Variants in KCNQ1 observed in about 807,000 individuals in gnomAD.
KCNQ1 encodes potassium voltage-gated channel subfamily Q member 1.
In KCNQ1, 49 loss-of-function variants were observed where a neutral mutation model predicts 72.4. The ratio of observed to expected loss-of-function variants is 0.68; its 90% CI spans 0.54 to 0.86. The LOEUF (loss-of-function observed/expected upper bound fraction) is 0.86. KCNQ1 is among the 40% of genes least tolerant of loss of function. The pLI, the probability that KCNQ1 is intolerant of heterozygous loss-of-function variation, is 0.00. For missense variants in KCNQ1, 790 were observed against 945.1 expected, an observed-to-expected ratio of 0.84 and a Z score of 2.15; for synonymous variants, 450 against 412.6, an observed-to-expected ratio of 1.09 and a Z score of -1.10.
In KCNQ1 at chr11:2,725,967, A is replaced by G. The variant is rs909661064; in HGVS notation, c.1515-42877A>G. On this transcript the variant is annotated intron_variant, in intron 11 of 15. Coordinates refer to ENST00000155840, the MANE Select transcript of KCNQ1 (RefSeq NM_000218.3). This position sits in a 1 kb window ranked among gnomAD's most constrained non-coding sequence, Gnocchi z 7.2. ...TCGGGCTTCCCCACTAATTTGTGAT[A>G]AGGCCTCGCCAAGAAAAACAGCAGG... 3.9e-5 allele frequency among the ~76,000 whole-genome samples: 6 copies of G among 152,218 alleles called. No individual in the cohort carries two copies. The highest frequency in any genetic ancestry group is 1.4e-4 in the African/African-American group (6 of 41,474).
rs74048614 is a variant in KCNQ1 at position 2,450,815 on chromosome 11, C to T, written c.386+5331C>T. ...GCCGCGTGACCCTAGTCCAGGGGGC[C>T]GCTTTTACACGAGGCATCTGACCAT... On this transcript the variant is annotated intron_variant, in intron 1 of 15. Coordinates refer to ENST00000155840, the MANE Select transcript of KCNQ1 (RefSeq NM_000218.3). The surrounding 1 kb of genome is among the most constrained non-coding windows in gnomAD (Gnocchi z 7.9). Among the ~76,000 whole-genome samples the T allele has an allele frequency of 0.044, 6,734 of 152,180 alleles. 433 individuals are homozygous for T. Among genetic ancestry groups the T allele is most frequent in the African/African-American group, 0.14 (5,967 of 41,482 alleles).
intron 10 of KCNQ1, among the ~76,000 whole-genome samples, chr11:2,605,601 T>C (rs568761039): frequency 6.6e-6 from 1 of 152,354 alleles, no homozygotes; most frequent in African/African-American, 2.4e-5. Flanking sequence ...ACCATAGATA[T>C]ATGGCTCCGT....
Position 2,720,647 on chromosome 11 carries a change from C to G in KCNQ1, c.1515-48197C>G, listed in dbSNP as rs1409505391. On this transcript the variant is annotated intron_variant, in intron 11 of 15. Coordinates refer to ENST00000155840, the MANE Select transcript of KCNQ1 (RefSeq NM_000218.3). The surrounding 1 kb of genome is among the most constrained non-coding windows in gnomAD (Gnocchi z 5.1). ...TGGGTGTCAAGGCTGAAGAGGGGAG[C>G]CTCCTTGGCCACTGAAACGGAAACA... Among the ~76,000 whole-genome samples the G allele has an allele frequency of 2.0e-5, 3 of 152,136 alleles. No individual in the cohort carries two copies. In the East Asian group the frequency reaches 5.8e-4, roughly 29 times the overall value.
intron 15 of KCNQ1, among the ~76,000 whole-genome samples, chr11:2,795,871 G>C (rs530159774): frequency 1.2e-3 from 187 of 152,244 alleles, no homozygotes; most frequent in African/African-American, 4.3e-3. Flanking sequence ...CCCATGGGGC[G>C]GGGGCCGGGG....
intron 10 of KCNQ1, chr11:2,635,534 G>GGA (rs1849449586): frequency 6.6e-6 from 1 of 152,112 alleles, no homozygotes; most frequent in Non-Finnish European, 1.5e-5. Flanking sequence ...CTGTTCCATT[G>GGA]GTCTATATCT....
At chr11:2,633,537 AT>A (rs891001659) in intron 10 of KCNQ1, 2 of 398,406 alleles carry the variant, frequency 5.0e-6, no homozygotes. Context: ...TTTTGAGTTG[AT>A]TTTTTTATAT....
intron 15 of KCNQ1, among the ~76,000 whole-genome samples, chr11:2,814,322 G>C (rs971386493): frequency 6.6e-6 from 1 of 151,756 alleles, no homozygotes; most frequent in African/African-American, 2.4e-5. Flanking sequence ...TGGATGGATC[G>C]ATGGGTGTGT....
At position 2,674,574 on chromosome 11, in the gene KCNQ1, T is replaced by C. The variant is rs1383724123; in HGVS notation, c.1514+12493T>C. ...ACCTCGAGTGAGTGAATCTGAAGCATGCTAGTTGTGTTGCCTTTTAAATAG... is the reference window on the plus strand; with the variant it reads ...ACCTCGAGTGAGTGAATCTGAAGCACGCTAGTTGTGTTGCCTTTTAAATAG... On this transcript the variant is annotated intron_variant, in intron 11 of 15. Transcript: ENST00000155840. The surrounding 1 kb of genome is among the most constrained non-coding windows in gnomAD (Gnocchi z 5.9). 7.5e-6 allele frequency: 3 copies of C among 398,488 alleles called. No homozygotes were observed. The highest frequency in any genetic ancestry group is 1.3e-5 in the Non-Finnish European group (3 of 226,066). The allele number at this position is 398,488 out of a possible 1,614,324, so 24.7% of individuals were successfully genotyped here.
intron 13 of KCNQ1, 52 bp downstream of exon 13, chr11:2,776,106 G>A (rs1268509506): frequency 2.2e-5 from 31 of 1,440,562 alleles, no homozygotes; most frequent in Admixed American, 4.0e-5. Context: ...TGCCCAGCCC[G>A]GCCCCAGCTG....
rs771833221 is a variant in KCNQ1 at position 2,445,410 on chromosome 11, C to G, written c.312C>G (p.Thr104=). The change falls in exon 1 of 16, where the codon ACC becomes ACG. Residue 104 remains threonine, a synonymous_variant. Coordinates refer to ENST00000155840, the MANE Select transcript of KCNQ1 (RefSeq NM_000218.3). The part of the protein sequence containing the change: ...YSTRRPVLAR[T]HVQGRVYNFL... ...CGCGCCGCCCGGTGTTGGCGCGCACCCACGTCCAGGGCCGCGTCTACAACT... is the reference window on the plus strand; with the variant it reads ...CGCGCCGCCCGGTGTTGGCGCGCACGCACGTCCAGGGCCGCGTCTACAACT... The G allele has an allele frequency of 6.3e-7, 1 of 1,597,838 alleles. No homozygotes were observed. Among genetic ancestry groups the G allele is most frequent in the Non-Finnish European group, 8.5e-7 (1 of 1,179,722 alleles).
rs571270470 is a variant in KCNQ1 at position 2,603,708 on chromosome 11, C to T, written c.1393+14854C>T. Among the ~76,000 whole-genome samples, 2 of 151,884 alleles carry T rather than the reference C, an allele frequency of 1.3e-5. No homozygotes were observed. Among genetic ancestry groups the T allele is most frequent in the East Asian group, 3.9e-4 (2 of 5,164 alleles). On this transcript the variant is annotated intron_variant, in intron 10 of 15. Coordinates refer to ENST00000155840, the MANE Select transcript of KCNQ1 (RefSeq NM_000218.3). The surrounding 1 kb of genome is among the most constrained non-coding windows in gnomAD (Gnocchi z 4.1). ...GCTTCAGTGCTTCTTTTTTTTTCCC[C>T]GAGACAGAGTCTCCCTCTGTCGCCC...
rs1429086456 is a variant in KCNQ1 at position 2,478,892 on chromosome 11, C to T, written c.386+33408C>T. 6.6e-6 allele frequency among the ~76,000 whole-genome samples: 1 copy of T among 152,220 alleles called. No individual in the cohort carries two copies. The highest frequency in any genetic ancestry group is 1.5e-5 in the Non-Finnish European group (1 of 68,042). On this transcript the variant is annotated intron_variant, in intron 1 of 15. Transcript: ENST00000155840. The surrounding 1 kb of genome is among the most constrained non-coding windows in gnomAD (Gnocchi z 4.0). ...AAAAGCAAGTTAGTTAATTCCTAGACACAATTAGGGTACAGGCCTTGGATA... is the reference window on the plus strand; with the variant it reads ...AAAAGCAAGTTAGTTAATTCCTAGATACAATTAGGGTACAGGCCTTGGATA...
chr11:2,789,584 G>A (rs941038124), intron 15 of KCNQ1, among the ~76,000 whole-genome samples: 4 of 152,216 alleles, frequency 2.6e-5, no homozygotes, highest in African/African-American at 9.6e-5. Context: ...TCGCATCTCT[G>A]TGCAGCCACA....
At chr11:2,469,824 C>T (rs988841598) in intron 1 of KCNQ1, among the ~76,000 whole-genome samples, 2 of 151,466 alleles carry the variant, frequency 1.3e-5, no homozygotes, top group Admixed American at 6.6e-5. Flanking sequence ...CAGGCGCCCG[C>T]CACTGTATCC....
chr11:2,685,668 C>G (rs1850475527), intron 11 of KCNQ1: 3 of 398,536 alleles, frequency 7.5e-6, no homozygotes, highest in African/African-American at 2.1e-5. Context: ...ACCAGAAGTT[C>G]AGGGGTCCCA....
chr11:2,844,012 G>T (rs1283767981), intron 15 of KCNQ1, among the ~76,000 whole-genome samples: 1 of 152,174 alleles, frequency 6.6e-6, no homozygotes, highest in Non-Finnish European at 1.5e-5. Flanking sequence ...CTTCCCCCAG[G>T]GCGGCAGCTC....
At chr11:2,749,325 TG>T (rs947706493) in intron 11 of KCNQ1, among the ~76,000 whole-genome samples, 2 of 151,438 alleles carry the variant, frequency 1.3e-5, no homozygotes, top group African/African-American at 4.9e-5. Flanking sequence ...GGGCCTCGGC[TG>T]GGGGGCAAGC....
chr11:2,452,413 C>T lies in KCNQ1; in HGVS notation c.386+6929C>T, dbSNP rs574099306. 4.6e-5 allele frequency among the ~76,000 whole-genome samples: 7 copies of T among 152,286 alleles called. No individual in the cohort carries two copies. The South Asian group carries it at 1.0e-3, about 23-fold the overall frequency. ...ACCCTGGGGCCAGGGGCTGTGTCCT[C>T]GACTTCCACGCAGAGCAGCCCGGGC... On this transcript the variant is annotated intron_variant, in intron 1 of 15. Coordinates refer to ENST00000155840, the MANE Select transcript of KCNQ1 (RefSeq NM_000218.3).
At chr11:2,596,386 A>G (rs767676061) in intron 10 of KCNQ1, among the ~76,000 whole-genome samples, 9 of 152,224 alleles carry the variant, frequency 5.9e-5, no homozygotes, top group Non-Finnish European at 1.2e-4. Context: ...TTGTACATGG[A>G]ATATTCATAG....
Sources: allele counts gnomAD v4.1 joint callset (sites outside exome capture counted in the v4.1 genomes callset), GRCh38; gene constraint gnomAD v4.1.1; non-coding constraint Gnocchi (gnomAD v3.1); transcripts MANE v1.5; gene names NCBI Gene and HGNC (gene_info 2026-07-23, HGNC 2026-07-21).